Variants in USP9Y observed in about 807,000 individuals in gnomAD.
USP9Y encodes the protein ubiquitin specific peptidase 9 Y-linked, also known as ubiquitin carboxyl-terminal hydrolase 9Y.
Under a neutral mutation model 53.1 loss-of-function variants are expected in USP9Y, and 41 were observed. That is an observed-to-expected ratio of 0.77 (90% CI 0.60 to 1.00). The LOEUF is 1.00. USP9Y is among the 50% of genes least tolerant of loss of function. The pLI is 0.00. For missense variants in USP9Y, 567 were observed against 535.8 expected (o/e 1.06, Z -0.58); for synonymous variants, 220 against 173.7 (o/e 1.27, Z -2.09).
chrY:12,704,300 G>T, intron 1 of USP9Y, among the ~76,000 whole-genome samples: 1 of 33,238 alleles, frequency 3.0e-5, no homozygotes. Flanking sequence ...ACATTGATTG[G>T]TATTCATGTA....
At chrY:12,786,375 C>T (rs765822286) in intron 23 of USP9Y, 42 bp downstream of exon 23, 2 of 391,731 alleles carry the variant, frequency 5.1e-6, no homozygotes, top group Non-Finnish European at 3.6e-6. Context: ...TTATATTATA[C>T]GGTAATGTGA....
chrY:12,814,950 T>A, intron 31 of USP9Y, among the ~76,000 whole-genome samples: 1 of 33,740 alleles, frequency 3.0e-5, no homozygotes, highest in South Asian at 6.5e-4. Context: ...AAATACACCA[T>A]CCCATTGACT....
intron 1 of USP9Y, among the ~76,000 whole-genome samples, chrY:12,704,613 A>G: frequency 3.0e-5 from 1 of 33,612 alleles, no homozygotes; most frequent in Non-Finnish European, 7.4e-5. Context: ...CAGTGAAGTC[A>G]TGTGATCACA....
chrY:12,708,280 A>G (rs2053421212), intron 1 of USP9Y, among the ~76,000 whole-genome samples: 2 of 32,921 alleles, frequency 6.1e-5, no homozygotes. Flanking sequence ...GTTTTCCCAT[A>G]CTCCTATCAG....
At chrY:12,821,956 G>A in intron 33 of USP9Y, among the ~76,000 whole-genome samples, 2 of 34,381 alleles carry the variant, frequency 5.8e-5, no homozygotes, top group African/African-American at 2.3e-4. Context: ...ATAGGTGTGA[G>A]CCACTGGCCC....
At chrY:12,719,709 T>C (rs1014754872) in intron 3 of USP9Y, among the ~76,000 whole-genome samples, 4 of 32,652 alleles carry the variant, frequency 1.2e-4, no homozygotes, top group Non-Finnish European at 3.0e-4. Flanking sequence ...ATGTATTTAT[T>C]AACAGTAAAC....
Position 12,833,791 on chromosome Y carries a change from C to A in USP9Y, c.5125C>A (p.Pro1709Thr). 1 of 397,877 alleles carries A rather than the reference C, an allele frequency of 2.5e-6. No individual in the cohort carries two copies. The highest frequency in any genetic ancestry group is 3.5e-6 in the Non-Finnish European group (1 of 283,238). ...LDEALKALGHPAILSKVLGGS... is the reference protein window; with the variant it reads ...LDEALKALGHTAILSKVLGGS... ...TGAAGCTTTAAAAGCTTTAGGACACCCGGCTATACTAAGTAAAGTCCTAGG... is the reference window on the plus strand; with the variant it reads ...TGAAGCTTTAAAAGCTTTAGGACACACGGCTATACTAAGTAAAGTCCTAGG... The change falls in exon 34 of 46, where the codon CCG becomes ACG. Residue 1709 changes from proline (P) to threonine (T), a missense_variant. By Grantham distance (38) the Pro-to-Thr change is conservative (BLOSUM62 -1). Transcript: ENST00000338981.
chrY:12,753,711 G>A (rs2053465990), intron 12 of USP9Y, among the ~76,000 whole-genome samples: 1 of 33,202 alleles, frequency 3.0e-5, no homozygotes, highest in African/African-American at 1.2e-4. Context: ...CTAGTGTTCC[G>A]TATTGTTTTT....
chrY:12,822,557 G>C (rs547768055), intron 33 of USP9Y, among the ~76,000 whole-genome samples: 5 of 32,357 alleles, frequency 1.5e-4, no homozygotes, highest in African/African-American at 6.0e-4. Flanking sequence ...TAGAGACGGA[G>C]TTTTACCACA....
At chrY:12,835,786 G>C in intron 34 of USP9Y, among the ~76,000 whole-genome samples, 1 of 33,420 alleles carries the variant, frequency 3.0e-5, no homozygotes, top group Non-Finnish European at 7.4e-5. Context: ...CTATGCTCTA[G>C]ACTGTGCAAG....
At chrY:12,747,406 A>G in intron 12 of USP9Y, among the ~76,000 whole-genome samples, 1 of 33,641 alleles carries the variant, frequency 3.0e-5, no homozygotes, top group African/African-American at 1.2e-4. Flanking sequence ...GTCCTGGGCC[A>G]CCAGAAGTCA....
At chrY:12,732,060 T>C (rs2053447497) in intron 7 of USP9Y, among the ~76,000 whole-genome samples, 2 of 32,817 alleles carry the variant, frequency 6.1e-5, no homozygotes, top group Non-Finnish European at 1.5e-4. Flanking sequence ...TCCATGTCTT[T>C]CCTCAAATAT....
chrY:12,708,347 T>C (rs2053421255), intron 1 of USP9Y, among the ~76,000 whole-genome samples: 1 of 33,259 alleles, frequency 3.0e-5, no homozygotes, highest in Admixed American at 2.7e-4. Flanking sequence ...TTAAGATTCT[T>C]TGAATATACT....
intron 22 of USP9Y, among the ~76,000 whole-genome samples, chrY:12,783,643 A>G: frequency 3.0e-5 from 1 of 33,500 alleles, no homozygotes; most frequent in African/African-American, 1.2e-4. Flanking sequence ...TATTGAAAAA[A>G]TGGTGCTGAT....
At chrY:12,775,696 C>A in intron 18 of USP9Y, 130 bp downstream of exon 18, 1 of 157,683 alleles carries the variant, frequency 6.3e-6, no homozygotes, top group South Asian at 4.8e-5. Flanking sequence ...AGTGTTTAAT[C>A]CACTTTTCTC....
Position 12,810,238 on chromosome Y carries a change from G to T in USP9Y, c.4043G>T (p.Gly1348Val). ...FFLMCTRCCMGHRPLLFFITL... is the reference protein window; with the variant it reads ...FFLMCTRCCMVHRPLLFFITL... ...TTAATGTGCACCAGATGTTGCATGG[G>T]ACACAGGCCTCTGCTTTTCTTCATT... The change falls in exon 28 of 46, where the codon GGA becomes GTA. Residue 1348 changes from glycine to valine, a missense_variant. Physicochemically the swap from Gly to Val is moderately radical, Grantham distance 109 (BLOSUM62 -3). Transcript: ENST00000338981. 1 of 398,573 alleles carries T rather than the reference G, an allele frequency of 2.5e-6. No individual in the cohort carries two copies.
At chrY:12,823,423 A>ACCT in intron 33 of USP9Y, among the ~76,000 whole-genome samples, 2 of 33,379 alleles carry the variant, frequency 6.0e-5, no homozygotes, top group African/African-American at 2.3e-4. Context: ...CTTAGAGGAA[A>ACCT]AGCTCTTAGT....
At chrY:12,814,265 A>G (rs2053533918) in intron 31 of USP9Y, among the ~76,000 whole-genome samples, 2 of 32,096 alleles carry the variant, frequency 6.2e-5, no homozygotes, top group African/African-American at 2.4e-4. Flanking sequence ...GCGGTGGCTC[A>G]CGCCTGTAAT....
At chrY:12,763,990 G>A (rs769183965) in intron 15 of USP9Y, among the ~76,000 whole-genome samples, 1 of 32,272 alleles carries the variant, frequency 3.1e-5, no homozygotes, top group East Asian at 8.1e-4. Context: ...ATTTTTGCAT[G>A]CCAGCTATGA....
Sources: allele counts gnomAD v4.1 joint callset (sites outside exome capture counted in the v4.1 genomes callset), GRCh38; gene constraint gnomAD v4.1.1; transcripts MANE v1.5; gene names NCBI Gene and HGNC (gene_info 2026-07-23, HGNC 2026-07-21).